MAGI3: variants seen among roughly 807,000 people sequenced by gnomAD.
MAGI3 encodes membrane-associated guanylate kinase, WW and PDZ domain-containing protein 3.
Under a neutral mutation model 121.8 loss-of-function variants are expected in MAGI3, and 43 were observed. The observed-to-expected ratio is 0.35, with a 90% CI of 0.28 to 0.46. The LOEUF (loss-of-function observed/expected upper bound fraction) is 0.46. MAGI3 is among the 20% of genes least tolerant of loss of function. The probability of loss-of-function intolerance (pLI) is 1.00; values close to 1 mark genes in which losing one functional copy is unlikely to be tolerated. For missense variants in MAGI3, 1,547 were observed against 1,797.3 expected (o/e 0.86, Z 2.52); for synonymous variants, 553 against 639.3 (o/e 0.86, Z 2.04).
intron 1 of MAGI3, among the ~76,000 whole-genome samples, chr1:113,398,914 T>C (rs1651256106): frequency 6.6e-6 from 1 of 151,948 alleles, no homozygotes; most frequent in Admixed American, 6.6e-5. Flanking sequence ...AAGAAAAAAA[T>C]CTTAATTTAC....
chr1:113,409,286 C>T (rs1192377708), intron 1 of MAGI3, among the ~76,000 whole-genome samples: 1 of 151,688 alleles, frequency 6.6e-6, no homozygotes, highest in African/African-American at 2.4e-5. Flanking sequence ...TAGAGGAGAC[C>T]AAAATTGACA....
In MAGI3 at chr1:113,403,613, G is replaced by A. The variant is rs545385481; in HGVS notation, c.316+12264G>A. The A allele has an allele frequency of 9.2e-5, 14 of 152,172 alleles. 1 individual carries two copies. The highest frequency in any genetic ancestry group is 1.9e-4 in the East Asian group (1 of 5,176). 9.4% of individuals were successfully genotyped at this position (152,172 alleles called of 1,614,324 possible). On this transcript the variant is annotated intron_variant, in intron 1 of 20. Coordinates refer to ENST00000307546, the MANE Select transcript of MAGI3 (RefSeq NM_001142782.2). ...ATCACTGTAAAACCTCCTAGCTGAC[G>A]GTTCTACTCCTTAATTGAAAATTCT... is the stretch of plus-strand genomic sequence containing the variant.
chr1:113,622,887 T>C lies in MAGI3; in HGVS notation c.1253T>C (p.Met418Thr). The stretch of plus-strand genomic sequence containing the variant: ...CGAGCATCACTGAAAAAAAGCACAA[T>C]GGGATTTGGTTTTACTATTATTGGT... ...LVRASLKKST[M>T]GFGFTIIGGD... Residue 418 changes from methionine (M) to threonine (T), a missense_variant, in exon 9 of 21, where the codon ATG becomes ACG. Transcript: ENST00000307546. The C allele has an allele frequency of 6.2e-7, 1 of 1,603,640 alleles. No homozygotes were observed. The highest frequency in any genetic ancestry group is 8.5e-7 in the Non-Finnish European group (1 of 1,176,280).
chr1:113,685,258 G>C lies in MAGI3; in HGVS notation c.*1244G>C, dbSNP rs2101047759. The C allele has an allele frequency of 6.6e-6, 1 of 152,430 alleles. No individual in the cohort carries two copies. Among genetic ancestry groups the C allele is most frequent in the South Asian group, 2.1e-4 (1 of 4,828 alleles). 9.4% of individuals were successfully genotyped at this position (152,430 alleles called of 1,614,324 possible). A position where few individuals can be genotyped will look rare whatever the true frequency, so the allele number is the denominator to read the frequency against. ...TTAAAGATGTTTCTTAGAAGTTGGAGACTGTTAACAACTTCCATAAAATAG... is the reference window on the plus strand; with the variant it reads ...TTAAAGATGTTTCTTAGAAGTTGGACACTGTTAACAACTTCCATAAAATAG... On this transcript the variant is annotated 3_prime_UTR_variant, in exon 21 of 21. Transcript: ENST00000307546.
intron 1 of MAGI3, among the ~76,000 whole-genome samples, chr1:113,417,961 G>A (rs11102628): frequency 0.24 from 36,734 of 151,918 alleles, 5,099 homozygotes; most frequent in East Asian, 0.63. Context: ...AGTTTTATCA[G>A]TTTTTCTTTC....
intron 2 of MAGI3, among the ~76,000 whole-genome samples, chr1:113,559,032 A>T (rs1255915093): frequency 6.6e-6 from 1 of 152,222 alleles, no homozygotes; most frequent in Non-Finnish European, 1.5e-5. Context: ...CCTGCCTTGC[A>T]AAAGCACCTT....
At chr1:113,590,419 G>A (rs1469083816) in intron 4 of MAGI3, 65 bp from the exon 5 acceptor site, 51 of 1,515,840 alleles carry the variant, frequency 3.4e-5, no homozygotes, top group Non-Finnish European at 4.0e-5. Context: ...GAAAGGAAAG[G>A]TGCTGTTTGA....
In MAGI3 at chr1:113,684,770, G is replaced by A. The variant is rs1400760855; in HGVS notation, c.*756G>A. 5 of 152,228 alleles carry A rather than the reference G, an allele frequency of 3.3e-5. No homozygotes were observed. The highest frequency in any genetic ancestry group is 2.9e-5 in the Non-Finnish European group (2 of 68,024). 9.4% of individuals were successfully genotyped at this position (152,228 alleles called of 1,614,324 possible). On this transcript the variant is annotated 3_prime_UTR_variant, in exon 21 of 21. Coordinates refer to ENST00000307546, the MANE Select transcript of MAGI3 (RefSeq NM_001142782.2). ...ATCTCCTGCTGTGTTATCCAACCTC[G>A]ATGTATACTTACAGCATCTCAGGTC...
At position 113,391,859 on chromosome 1, in the gene MAGI3, C is replaced by T. The variant is rs2101254944; in HGVS notation, c.316+510C>T. Among the ~76,000 whole-genome samples, 1 of 152,348 alleles carries T rather than the reference C, an allele frequency of 6.6e-6. No homozygotes were observed. The highest frequency in any genetic ancestry group is 2.4e-5 in the African/African-American group (1 of 41,566). ...ACTCTAGCAGACATCTCAGAGCTGA[C>T]AGCCTAACTCTGTCAGTCCAGGTGG... On this transcript the variant is annotated intron_variant, in intron 1 of 20. Coordinates refer to ENST00000307546, the MANE Select transcript of MAGI3 (RefSeq NM_001142782.2). This position sits in a 1 kb window ranked among gnomAD's most constrained non-coding sequence, Gnocchi z 4.4.
intron 1 of MAGI3, among the ~76,000 whole-genome samples, chr1:113,495,166 C>T (rs914474459): frequency 2.0e-5 from 3 of 151,964 alleles, no homozygotes; most frequent in Non-Finnish European, 2.9e-5. Context: ...CTAAGTGATT[C>T]GAAGTAATGC....
chr1:113,439,423 C>T (rs1459451770), intron 1 of MAGI3, among the ~76,000 whole-genome samples: 1 of 152,156 alleles, frequency 6.6e-6, no homozygotes, highest in Non-Finnish European at 1.5e-5. Context: ...TGCTATTGCC[C>T]TTCCCTTTCT....
rs116424207 is a variant in MAGI3, at chr1:113,434,395, C to A, written c.316+43046C>A. 2.6e-3 allele frequency among the ~76,000 whole-genome samples: 395 copies of A among 152,142 alleles called. 2 individuals are homozygous for A. The highest frequency in any genetic ancestry group is 9.1e-3 in the African/African-American group (379 of 41,508). On this transcript the variant is annotated intron_variant, in intron 1 of 20. Coordinates refer to ENST00000307546, the MANE Select transcript of MAGI3 (RefSeq NM_001142782.2). ...GATCAGCCTGGACAACATAGCGAGACCTTATTTCCACCACCACCACCACAC... is the reference window on the plus strand; with the variant it reads ...GATCAGCCTGGACAACATAGCGAGAACTTATTTCCACCACCACCACCACAC...
At chr1:113,516,390 CAA>C (rs60186333) in intron 1 of MAGI3, among the ~76,000 whole-genome samples, 14,353 of 71,498 alleles carry the variant, frequency 0.2, 325 homozygotes, top group Non-Finnish European at 0.24. Flanking sequence ...GAAGTTCTCA[CAA>C]AAAAAAAAAA....
chr1:113,610,012 T>TA (rs532470996), intron 6 of MAGI3, among the ~76,000 whole-genome samples: 138 of 152,346 alleles, frequency 9.1e-4, no homozygotes, highest in African/African-American at 3.0e-3. Context: ...CTTCAGTTAC[T>TA]ACAGTATTCT....
At chr1:113,515,634 GA>G (rs927539137) in intron 1 of MAGI3, among the ~76,000 whole-genome samples, 2 of 152,068 alleles carry the variant, frequency 1.3e-5, no homozygotes, top group Middle Eastern at 3.2e-3. Flanking sequence ...TTTTGTTCAA[GA>G]CCATTTTTTC....
chr1:113,404,242 T>A (rs1239055322), intron 1 of MAGI3: 2 of 152,080 alleles, frequency 1.3e-5, no homozygotes, highest in Non-Finnish European at 2.9e-5. Flanking sequence ...CTTAAAAAGA[T>A]GAGTGGGGCT....
At chr1:113,396,712 T>C (rs574783156) in intron 1 of MAGI3, among the ~76,000 whole-genome samples, 14 of 152,258 alleles carry the variant, frequency 9.2e-5, no homozygotes, top group African/African-American at 2.2e-4. Flanking sequence ...AGCAAATACT[T>C]AGTGGTGCAC....
At chr1:113,517,522 T>A in intron 1 of MAGI3, among the ~76,000 whole-genome samples, 1 of 152,022 alleles carries the variant, frequency 6.6e-6, no homozygotes, top group South Asian at 2.1e-4. Flanking sequence ...GGCACAAAGG[T>A]GCAAAGTACA....
At chr1:113,588,675 C>T (rs1447822545) in intron 4 of MAGI3, among the ~76,000 whole-genome samples, 2 of 152,114 alleles carry the variant, frequency 1.3e-5, no homozygotes, top group African/African-American at 4.8e-5. Context: ...TGATCAGATG[C>T]TGCTGATAAC....
Sources: gnomAD v4.1 joint callset for allele counts (sites outside exome capture counted in the v4.1 genomes callset) on GRCh38, gnomAD v4.1.1 for gene constraint, Gnocchi (gnomAD v3.1) non-coding constraint, MANE v1.5 for transcripts, NCBI Gene and HGNC (gene_info 2026-07-23, HGNC 2026-07-21) for gene names.